Variants in MYLIP observed in about 807,000 individuals in gnomAD.
MYLIP encodes myosin regulatory light chain interacting protein, also known as E3 ubiquitin-protein ligase MYLIP.
MYLIP carries 26 observed loss-of-function variants against 45.8 expected under a neutral mutation model. The observed-to-expected ratio is 0.57, with a 90% CI of 0.42 to 0.79. The LOEUF is 0.79. MYLIP is among the 30% of genes least tolerant of loss of function. The pLI is 0.00. For synonymous variants in MYLIP, 213 were observed against 218.1 expected (o/e 0.98, Z 0.21); for missense variants, 494 against 555.6 (o/e 0.89, Z 1.11).
In MYLIP at chr6:16,143,624, G is replaced by A. The variant is rs564252332; in HGVS notation, c.663-75G>A. 4.3e-5 allele frequency: 65 copies of A among 1,506,020 alleles called. 1 individual carries two copies. In the African/African-American group the frequency reaches 6.9e-4, roughly 16 times the overall value. The allele number at this position is 1,506,020 out of a possible 1,614,324, so 93.3% of individuals were successfully genotyped here. A position where few individuals can be genotyped will look rare whatever the true frequency, so the allele number is the denominator to read the frequency against. On this transcript the variant is annotated intron_variant, in intron 4 of 6. Transcript: ENST00000356840. Reference sequence around the variant, plus strand: ...TTCTGCTAGGTCATGAGCAAATGGGGATCCCACAAAGGCACACACATGGTG... The same window carrying A: ...TTCTGCTAGGTCATGAGCAAATGGGAATCCCACAAAGGCACACACATGGTG...
At position 16,143,095 on chromosome 6, in the gene MYLIP, G is replaced by C; in HGVS notation, c.540G>C (p.Ser180=). 6.2e-7 allele frequency: 1 copy of C among 1,614,164 alleles called. No individual in the cohort carries two copies. The highest frequency in any genetic ancestry group is 8.5e-7 in the Non-Finnish European group (1 of 1,180,040). ...AATACCAAGTTTTGCAGATTGTGTC[G>C]GCAATGGAAAACTATGGCATAGAAT... ...SAEYQVLQIV[S]AMENYGIEWH... is the part of the protein sequence containing the mutation. Residue 180 remains serine, a synonymous_variant, in exon 4 of 7, where the codon TCG becomes TCC. Coordinates refer to ENST00000356840, the MANE Select transcript of MYLIP (RefSeq NM_013262.4).
chr6:16,145,793 AATGCCTCAAGGGC>A (rs1321850202), intron 6 of MYLIP, among the ~76,000 whole-genome samples: 1 of 152,204 alleles, frequency 6.6e-6, no homozygotes, highest in African/African-American at 2.4e-5. Flanking sequence ...TATGATTGCA[AATGCCTCAAGGGC>A]ATATGGGTTG....
intron 5 of MYLIP, 113 bp from the exon 6 acceptor site, chr6:16,144,784 T>G: frequency 8.2e-7 from 1 of 1,212,912 alleles, no homozygotes; most frequent in Admixed American, 2.4e-5. Flanking sequence ...CTTTCATACA[T>G]GCAGACGAGA....
chr6:16,151,311 C>T (rs1428863929), downstream of MYLIP, among the ~76,000 whole-genome samples: 4 of 151,146 alleles, frequency 2.6e-5, no homozygotes, highest in East Asian at 3.9e-4. Flanking sequence ...GAGCCGAGAT[C>T]GCGCCACTGC....
At chr6:16,145,457 G>A (rs899757015) in intron 6 of MYLIP, 140 bp downstream of exon 6, 9 of 905,890 alleles carry the variant, frequency 9.9e-6, no homozygotes, top group Non-Finnish European at 1.5e-5. Context: ...TGTATTTGGT[G>A]ACCTAAAAGG....
At chr6:16,161,542 C>T in the MYLIP span, 1 of 152,560 alleles carries the variant, frequency 6.6e-6, no homozygotes, top group African/African-American at 2.4e-5. Context: ...CCCAGTTAAA[C>T]TTGAGATGAA....
rs113021568 is a variant in MYLIP at position 16,145,188 on chromosome 6, G to A, written c.1119G>A (p.Val373=). Residue 373 remains valine (V), a synonymous_variant, in exon 6 of 7, where the codon GTG becomes GTA. Transcript: ENST00000356840. ...CEGLSCQQTR[V]LQEKLRKLKE... Reference sequence around the variant, plus strand: ...GCCTCAGCTGCCAGCAGACCCGGGTGCTGCAGGAGAAGCTACGCAAGCTGA... The same window carrying A: ...GCCTCAGCTGCCAGCAGACCCGGGTACTGCAGGAGAAGCTACGCAAGCTGA... The A allele has an allele frequency of 1.6e-4, 253 of 1,614,160 alleles. 3 individuals are homozygous for A. The African/African-American group carries it at 2.6e-3, about 17-fold the overall frequency.
At chr6:16,160,886 T>C in the MYLIP span, 51,792 of 152,324 alleles carry the variant, frequency 0.34, 11,126 homozygotes, top group East Asian at 0.72. Context: ...GGGCTTCACC[T>C]GGTTCTCTGC....
chr6:16,143,732 G>C lies in MYLIP; in HGVS notation c.696G>C (p.Gln232His), dbSNP rs752296595. ...IAYPVVQMAT[Q>H]SGKNVYLTVT... ...ATCCTGTGGTGCAGATGGCCACCCA[G>C]TCAGGAAAGAATGTATATTTGACGG... Residue 232 changes from glutamine (Q) to histidine (H), a missense_variant, in exon 5 of 7, where the codon CAG becomes CAC. By Grantham distance (24) the Gln-to-His change is conservative. Transcript: ENST00000356840. 2 of 1,614,136 alleles carry C rather than the reference G, an allele frequency of 1.2e-6. No homozygotes were observed. Among genetic ancestry groups the C allele is most frequent in the Non-Finnish European group, 8.5e-7 (1 of 1,180,016 alleles).
At chr6:16,151,218 A>G (rs899699292), downstream of MYLIP, among the ~76,000 whole-genome samples, 5 of 151,628 alleles carry the variant, frequency 3.3e-5, no homozygotes, top group African/African-American at 1.2e-4. Flanking sequence ...TCAGCCAGGC[A>G]CGGTAGCGGG....
In MYLIP at chr6:16,129,308, G is replaced by A. The variant is rs1759403904; in HGVS notation, c.-15G>A. 6.4e-7 allele frequency: 1 copy of A among 1,556,796 alleles called. No homozygotes were observed. The highest frequency in any genetic ancestry group is 8.7e-7 in the Non-Finnish European group (1 of 1,151,714). ...CAAAGAGAAGGCGGCTGTGGCGGCA[G>A]CGGCAGCCCCAGCCATGCTGTGTTA... On this transcript the variant is annotated 5_prime_UTR_variant, in exon 1 of 7. Transcript: ENST00000356840. The surrounding 1 kb of genome is among the most constrained non-coding windows in gnomAD (Gnocchi z 5.1).
intron 2 of MYLIP, 66 bp downstream of exon 2, chr6:16,130,813 C>A: frequency 6.8e-7 from 1 of 1,475,810 alleles, no homozygotes; most frequent in Non-Finnish European, 9.2e-7. Context: ...GGCCGCTGCA[C>A]CTTCCCAGAG....
At chr6:16,136,628 T>C (rs1759562181) in intron 2 of MYLIP, among the ~76,000 whole-genome samples, 1 of 152,200 alleles carries the variant, frequency 6.6e-6, no homozygotes, top group African/African-American at 2.4e-5. Context: ...GAGTAAGTAA[T>C]CATTTCATTT....
downstream of MYLIP, among the ~76,000 whole-genome samples, chr6:16,150,428 C>A (rs570915212): frequency 1.3e-5 from 2 of 152,006 alleles, no homozygotes; most frequent in African/African-American, 2.4e-5. Flanking sequence ...GGTGAGGATG[C>A]GGAAGTGGTC....
chr6:16,145,361 CCCT>C, intron 6 of MYLIP, 44 bp downstream of exon 6: 1 of 1,534,332 alleles, frequency 6.5e-7, no homozygotes, highest in Non-Finnish European at 8.8e-7. Flanking sequence ...CCTCACCTAT[CCCT>C]CCTCTTAACG....
rs1246675142 is a variant in MYLIP, at chr6:16,129,712, A to C, written c.87+303A>C. 1.3e-5 allele frequency among the ~76,000 whole-genome samples: 2 copies of C among 152,184 alleles called. No homozygotes were observed. Among genetic ancestry groups the C allele is most frequent in the Admixed American group, 6.5e-5 (1 of 15,278 alleles). On this transcript the variant is annotated intron_variant, in intron 1 of 6. Transcript: ENST00000356840. The surrounding 1 kb of genome is among the most constrained non-coding windows in gnomAD (Gnocchi z 5.1). ...CCCAACCCAGCACTTTCCCGGAAGA[A>C]GGCGGCTCCGCACACCTGCCGCAGG...
intron 2 of MYLIP, among the ~76,000 whole-genome samples, chr6:16,135,755 C>CTATATATATATATATATATATA (rs10593630): frequency 8.0e-6 from 1 of 125,260 alleles, no homozygotes; most frequent in Non-Finnish European, 1.7e-5. Context: ...ATACATATAT[C>CTATATATATATATATATATATA]TATATATATA....
At position 16,146,778 on chromosome 6, in the gene MYLIP, A is replaced by G. The variant is rs765421858; in HGVS notation, c.*27A>G. 3.9e-6 allele frequency: 6 copies of G among 1,548,546 alleles called. No individual in the cohort carries two copies. In the East Asian group the frequency reaches 1.2e-4, roughly 30 times the overall value. On this transcript the variant is annotated 3_prime_UTR_variant, in exon 7 of 7. Transcript: ENST00000356840. ...CTGTTGTGCTTTTGTTGGACTTGGCATGTTTCCATGAACTGCACTATTATA... is the reference window on the plus strand; with the variant it reads ...CTGTTGTGCTTTTGTTGGACTTGGCGTGTTTCCATGAACTGCACTATTATA...
chr6:16,156,016 G>A, the MYLIP span, among the ~76,000 whole-genome samples: 1 of 152,218 alleles, frequency 6.6e-6, no homozygotes, highest in Admixed American at 6.5e-5. Context: ...GCTGACGAAA[G>A]TGATGAAGGG....
Sources: allele counts gnomAD v4.1 joint callset (sites outside exome capture counted in the v4.1 genomes callset), GRCh38; gene constraint gnomAD v4.1.1; non-coding constraint Gnocchi (gnomAD v3.1); transcripts MANE v1.5; gene names NCBI Gene and HGNC (gene_info 2026-07-23, HGNC 2026-07-21).